Variants in TBL1X observed in about 807,000 individuals in gnomAD.
TBL1X encodes the protein transducin beta like 1 X-linked.
TBL1X carries 10 observed loss-of-function variants against 50.7 expected under a neutral mutation model. The ratio of observed to expected loss-of-function variants is 0.20; its 90% CI spans 0.12 to 0.33. The LOEUF (loss-of-function observed/expected upper bound fraction) is 0.33, where lower values mean the gene tolerates loss of function less well. TBL1X is among the 10% of genes least tolerant of loss of function. TBL1X has a pLI of 1.00. For synonymous variants in TBL1X, 190 were observed against 214.7 expected, an observed-to-expected ratio of 0.88 and a Z score of 1.01; for missense variants, 340 against 504.4, an observed-to-expected ratio of 0.67 and a Z score of 3.12.
chrX:9,518,455 C>T (rs1217595324), intron 2 of TBL1X, among the ~76,000 whole-genome samples: 2 of 112,312 alleles, frequency 1.8e-5, no homozygotes, highest in Non-Finnish European at 3.8e-5. Context: ...TTTCATAATT[C>T]GAGAGTCACT....
At chrX:9,654,091 ACAAT>A (rs2082851748) in intron 4 of TBL1X, 120 bp from the exon 5 acceptor site, 1 of 527,697 alleles carries the variant, frequency 1.9e-6, no homozygotes, top group African/African-American at 2.3e-5. Context: ...AAAATATAAC[ACAAT>A]CAGATATTAA....
intron 2 of TBL1X, among the ~76,000 whole-genome samples, chrX:9,567,892 A>C (rs2082359804): frequency 8.9e-6 from 1 of 112,143 alleles, no homozygotes; most frequent in Non-Finnish European, 1.9e-5. Context: ...CTCCACTGGG[A>C]CAAGGACGCG....
chrX:9,679,499 C>T (rs1189357807), intron 5 of TBL1X, among the ~76,000 whole-genome samples: 1 of 111,906 alleles, frequency 8.9e-6, no homozygotes, highest in Non-Finnish European at 1.9e-5. Context: ...ACTGGTGACA[C>T]CAAGGACACT....
intron 17 of TBL1X, among the ~76,000 whole-genome samples, 177 bp downstream of exon 17, chrX:9,715,180 G>C (rs1047871345): frequency 8.9e-6 from 1 of 111,901 alleles, no homozygotes; most frequent in Non-Finnish European, 1.9e-5. Flanking sequence ...CCTTCTCCTT[G>C]TCCCTTCCAG....
intron 13 of TBL1X, 148 bp downstream of exon 13, chrX:9,705,262 G>A: frequency 1.0e-6 from 1 of 997,105 alleles, no homozygotes; most frequent in Non-Finnish European, 1.4e-6. Flanking sequence ...GTTACCCCAT[G>A]GTAACCATGG....
intron 5 of TBL1X, among the ~76,000 whole-genome samples, chrX:9,664,054 G>GT (rs2082913698): frequency 8.9e-6 from 1 of 111,880 alleles, no homozygotes; most frequent in South Asian, 3.7e-4. Context: ...GATGACGATA[G>GT]TTTGTGTTCC....
chrX:9,508,529 C>T (rs879111947), intron 2 of TBL1X, among the ~76,000 whole-genome samples: 2 of 112,182 alleles, frequency 1.8e-5, no homozygotes, highest in East Asian at 2.8e-4. Context: ...GACAGTATGG[C>T]GATTCCTCAA....
chrX:9,549,828 T>C (rs2082262388), intron 2 of TBL1X, among the ~76,000 whole-genome samples: 1 of 111,652 alleles, frequency 9.0e-6, no homozygotes, highest in Non-Finnish European at 1.9e-5. Context: ...GGGGTCAGGA[T>C]CTGATCTCAC....
intron 3 of TBL1X, chrX:9,644,792 A>T (rs2082794889): frequency 9.0e-6 from 1 of 110,936 alleles, no homozygotes; most frequent in Non-Finnish European, 1.9e-5. Flanking sequence ...AGTAGCTGGG[A>T]TTACAGGCGT....
chrX:9,490,145 T>G, intron 1 of TBL1X, among the ~76,000 whole-genome samples: 1 of 47,739 alleles, frequency 2.1e-5, no homozygotes, highest in South Asian at 6.1e-4. Context: ...TTTTAAACAT[T>G]TTTTTTGTAG....
chrX:9,641,317 C>T (rs2082774699), intron 3 of TBL1X, among the ~76,000 whole-genome samples: 1 of 111,591 alleles, frequency 9.0e-6, no homozygotes, highest in South Asian at 3.8e-4. Context: ...AAACTGAGAC[C>T]CATGCCCCAA....
At chrX:9,547,034 G>A (rs1344138334) in intron 2 of TBL1X, among the ~76,000 whole-genome samples, 2 of 107,961 alleles carry the variant, frequency 1.9e-5, no homozygotes, top group Non-Finnish European at 3.8e-5. Flanking sequence ...TAGCCAGGAT[G>A]GTCTCGATCT....
intron 3 of TBL1X, among the ~76,000 whole-genome samples, chrX:9,651,865 G>A (rs930722623): frequency 2.7e-5 from 3 of 112,630 alleles, no homozygotes; most frequent in Admixed American, 9.4e-5. Flanking sequence ...TATTAAGAGT[G>A]CAAAGTGAGA....
chrX:9,588,557 C>G (rs1174720511), intron 2 of TBL1X, among the ~76,000 whole-genome samples: 1 of 110,685 alleles, frequency 9.0e-6, no homozygotes, highest in East Asian at 2.8e-4. Flanking sequence ...GATCCTGTCT[C>G]TCTCTCTAAC....
chrX:9,555,409 T>C (rs746573962), intron 2 of TBL1X, among the ~76,000 whole-genome samples: 1 of 111,880 alleles, frequency 8.9e-6, no homozygotes, highest in Non-Finnish European at 1.9e-5. Context: ...TATTCCATTG[T>C]TATAAATATC....
At chrX:9,463,629 C>T (rs1277107747), upstream of TBL1X, among the ~76,000 whole-genome samples, 1 of 112,656 alleles carries the variant, frequency 8.9e-6, no homozygotes, top group Non-Finnish European at 1.9e-5. Flanking sequence ...CGGTGGCTCA[C>T]GCCTGTAATC....
intron 1 of TBL1X, among the ~76,000 whole-genome samples, chrX:9,493,388 T>G (rs759864532): frequency 8.9e-6 from 1 of 111,761 alleles, no homozygotes; most frequent in Non-Finnish European, 1.9e-5. Context: ...ATTTGTTGAT[T>G]CACTTGTTTG....
chrX:9,537,489 C>T (rs775058246), intron 2 of TBL1X, among the ~76,000 whole-genome samples: 6 of 111,742 alleles, frequency 5.4e-5, no homozygotes, highest in Non-Finnish European at 9.4e-5. Context: ...CCCTATTCTT[C>T]CCTCCCCACA....
intron 2 of TBL1X, among the ~76,000 whole-genome samples, chrX:9,555,119 G>A (rs1186041894): frequency 9.0e-6 from 1 of 110,852 alleles, no homozygotes; most frequent in Admixed American, 9.6e-5. Flanking sequence ...TCTGTTGCCC[G>A]GGCTGGAATG....
Sources: allele counts gnomAD v4.1 joint callset (sites outside exome capture counted in the v4.1 genomes callset), GRCh38; gene constraint gnomAD v4.1.1; transcripts MANE v1.5; gene names NCBI Gene and HGNC (gene_info 2026-07-23, HGNC 2026-07-21).